Variants in SLC4A1 observed in about 807,000 individuals in gnomAD.
SLC4A1 encodes solute carrier family 4 member 1 (Diego blood group), also known as band 3 anion transport protein.
In SLC4A1, 29 loss-of-function variants were observed where a neutral mutation model predicts 93.1. That is an observed-to-expected ratio of 0.31 (90% confidence interval 0.23 to 0.42). SLC4A1 has a LOEUF of 0.42. Ranked by LOEUF, SLC4A1 falls within the 20% of genes least tolerant of loss-of-function variation. SLC4A1 has a pLI of 1.00. For synonymous variants in SLC4A1, 469 were observed against 497.2 expected, an observed-to-expected ratio of 0.94 and a Z score of 0.76; for missense variants, 965 against 1,190.1, an observed-to-expected ratio of 0.81 and a Z score of 2.78.
rs779821133 is a variant in SLC4A1, at chr17:44,260,558, T to A, written c.350-19A>T. On this transcript the variant is annotated intron_variant, in intron 5 of 19. Coordinates refer to ENST00000262418, the MANE Select transcript of SLC4A1 (RefSeq NM_000342.4). ...ACAGTACCTGCAGGCAGTGGAGGAG[T>A]GAGCTGGTAGGCTGGGCCACAGCAC... is the stretch of plus-strand genomic sequence containing the variant. 1 of 1,613,990 alleles carries A rather than the reference T, an allele frequency of 6.2e-7. No homozygotes were observed. The highest frequency in any genetic ancestry group is 1.3e-5 in the African/African-American group (1 of 74,986).
chr17:44,253,901 ACCTCGTGATCC>A (rs1222265717), intron 16 of SLC4A1, among the ~76,000 whole-genome samples: 1 of 146,418 alleles, frequency 6.8e-6, no homozygotes, highest in Non-Finnish European at 1.5e-5. Flanking sequence ...CAAACTACTG[ACCTCGTGATCC>A]CCCCGTCTTG....
At chr17:44,262,820 T>C in intron 2 of SLC4A1, 32 bp downstream of exon 2, 1 of 1,612,318 alleles carries the variant, frequency 6.2e-7, no homozygotes, top group Non-Finnish European at 8.5e-7. Flanking sequence ...AGCCTCCAGG[T>C]GGGAGCACTG....
chr17:44,256,154 ACCATCCAT>A (rs755992186), intron 13 of SLC4A1, among the ~76,000 whole-genome samples: 3 of 151,830 alleles, frequency 2.0e-5, no homozygotes, highest in Non-Finnish European at 4.4e-5. Context: ...CATCCATCCA[ACCATCCAT>A]CCATCCATCC....
intron 4 of SLC4A1, among the ~76,000 whole-genome samples, chr17:44,261,204 A>G (rs1405884756): frequency 1.3e-5 from 2 of 152,192 alleles, no homozygotes; most frequent in Non-Finnish European, 2.9e-5. Flanking sequence ...GCTGAGGGCC[A>G]CCCCAAATTT....
In SLC4A1 at chr17:44,257,775, C is replaced by T; in HGVS notation, c.1315G>A (p.Glu439Lys). The T allele has an allele frequency of 6.2e-7, 1 of 1,613,968 alleles. No individual in the cohort carries two copies. Among genetic ancestry groups the T allele is most frequent in the Non-Finnish European group, 8.5e-7 (1 of 1,180,022 alleles). The change falls in exon 12 of 20, where the codon GAG becomes AAG. Residue 439 changes from glutamate (E) to lysine (K), a missense_variant. Coordinates refer to ENST00000262418, the MANE Select transcript of SLC4A1 (RefSeq NM_000342.4). ...EKTRNQMGVS[E>K]LLISTAVQGI... is the part of the protein sequence containing the mutation. ...TGCACTGCAGTGGAGATCAGCAGCT[C>T]CGACACTCCCATCTGGTTCCGGGTC...
rs1405427745 is a variant in SLC4A1 at position 44,258,663 on chromosome 17, G to A, written c.877-40C>T. ...CAGGGTCAGAGCTGCCCGGACCTGC[G>A]GAGGGAAAGGACCCAGGAGTCCACA... On this transcript the variant is annotated intron_variant, in intron 9 of 19. Coordinates refer to ENST00000262418, the MANE Select transcript of SLC4A1 (RefSeq NM_000342.4). This position sits in a 1 kb window ranked among gnomAD's most constrained non-coding sequence, Gnocchi z 6.1. 10 of 1,545,528 alleles carry A rather than the reference G, an allele frequency of 6.5e-6. No homozygotes were observed. Among genetic ancestry groups the A allele is most frequent in the Middle Eastern group, 2.3e-4 (1 of 4,370 alleles).
Position 44,255,255 on chromosome 17 carries a change from G to A in SLC4A1, c.1842C>T (p.Ile614=), listed in dbSNP as rs879170703. 6.4e-7 allele frequency: 1 copy of A among 1,558,626 alleles called. No homozygotes were observed. The highest frequency in any genetic ancestry group is 2.4e-5 in the East Asian group (1 of 42,402). Residue 614 remains isoleucine, a synonymous_variant, in exon 15 of 20, where the codon ATC becomes ATT. Coordinates refer to ENST00000262418, the MANE Select transcript of SLC4A1 (RefSeq NM_000342.4). ...VIGDFGVPIS[I]LIMVLVDFFI... ...AGAAATCCACCAGGACCATGATCAG[G>A]ATGGAGATGGGGACCCCGAAGTCCC...
chr17:44,249,361 C>A lies in SLC4A1; in HGVS notation c.*1097G>T. On this transcript the variant is annotated 3_prime_UTR_variant, in exon 20 of 20. Coordinates refer to ENST00000262418, the MANE Select transcript of SLC4A1 (RefSeq NM_000342.4). The stretch of plus-strand genomic sequence containing the variant: ...GTTTAGATGGAGTTGAGGATAATGG[C>A]TCTCAAATGAGGGGCCTGAAGTTGT... 1 of 308,962 alleles carries A rather than the reference C, an allele frequency of 3.2e-6. No homozygotes were observed. Among genetic ancestry groups the A allele is most frequent in the South Asian group, 2.4e-5 (1 of 40,848 alleles). 19.1% of individuals were successfully genotyped at this position (308,962 alleles called of 1,614,324 possible).
At chr17:44,254,097 C>T (rs986173038) in intron 16 of SLC4A1, among the ~76,000 whole-genome samples, 2 of 151,700 alleles carry the variant, frequency 1.3e-5, no homozygotes, top group Admixed American at 1.3e-4. Context: ...GCCTCAGCCT[C>T]CCAAGTAGCT....
chr17:44,259,414 C>G (rs542995970), intron 8 of SLC4A1, 70 bp from the exon 9 acceptor site: 1 of 1,604,564 alleles, frequency 6.2e-7, no homozygotes, highest in Non-Finnish European at 8.5e-7. Flanking sequence ...GATGGGGCTG[C>G]GGGGGTCCAG....
At chr17:44,265,994 A>T (rs115363306) in intron 1 of SLC4A1, among the ~76,000 whole-genome samples, 2,793 of 151,648 alleles carry the variant, frequency 0.018, 79 homozygotes, top group African/African-American at 0.056. Context: ...AAAAAAAAAA[A>T]AGAAAGAAAG....
At chr17:44,255,610 C>T (rs936145935) in intron 14 of SLC4A1, 63 bp downstream of exon 14, 38 of 1,522,030 alleles carry the variant, frequency 2.5e-5, no homozygotes, top group Admixed American at 3.3e-5. Flanking sequence ...GAATTTGGAG[C>T]GGGGGGGCTT....
intron 9 of SLC4A1, 25 bp downstream of exon 9, chr17:44,259,138 C>T: frequency 6.2e-7 from 1 of 1,612,836 alleles, no homozygotes; most frequent in Non-Finnish European, 8.5e-7. Flanking sequence ...CTTCCCCAGC[C>T]CAGCCCTCTC....
rs2047315516 is a variant in SLC4A1, at chr17:44,248,851, T to TG, written c.*1606_*1607insC. 1 of 100,234 alleles carries TG rather than the reference T, an allele frequency of 1.0e-5. No individual in the cohort carries two copies. Among genetic ancestry groups the TG allele is most frequent in the Non-Finnish European group, 2.1e-5 (1 of 47,612 alleles). The allele number at this position is 100,234 out of a possible 1,614,324, so 6.2% of individuals were successfully genotyped here. On this transcript the variant is annotated 3_prime_UTR_variant, in exon 20 of 20. Transcript: ENST00000262418. The stretch of plus-strand genomic sequence containing the variant: ...CCCCAAGGCTGATGTTTCCTTCCGT[T>TG]TTTTTTTTTTTTTTTTTTTTTTTTT...
intron 9 of SLC4A1, among the ~76,000 whole-genome samples, 156 bp downstream of exon 9, chr17:44,259,007 C>T (rs996231505): frequency 1.6e-4 from 24 of 152,174 alleles, no homozygotes; most frequent in African/African-American, 1.7e-4. Context: ...CTGCACGCCC[C>T]GACTGCCCCC....
Position 44,258,638 on chromosome 17 carries a change from C to G in SLC4A1, c.877-15G>C, listed in dbSNP as rs779684089. ...ATGCGGAACACCTAGGGGCAGGAGA[C>G]AGGGTCAGAGCTGCCCGGACCTGCG... On this transcript the variant is annotated splice_polypyrimidine_tract_variant and intron_variant, in intron 9 of 19. Transcript: ENST00000262418. This position sits in a 1 kb window ranked among gnomAD's most constrained non-coding sequence, Gnocchi z 6.1. 27 of 1,572,228 alleles carry G rather than the reference C, an allele frequency of 1.7e-5. No individual in the cohort carries two copies. The highest frequency in any genetic ancestry group is 2.3e-5 in the Non-Finnish European group (27 of 1,160,082).
chr17:44,261,309 G>A (rs2047442279), intron 4 of SLC4A1, among the ~76,000 whole-genome samples: 1 of 152,180 alleles, frequency 6.6e-6, no homozygotes, highest in Non-Finnish European at 1.5e-5. Context: ...AGTGACGCCC[G>A]ACAGCCCAGC....
chr17:44,261,486 G>A lies in SLC4A1; in HGVS notation c.168+89C>T. ...GCAGGGTCTCCCCCAGCCTGAAGCTGCCTCTATCCCCTTGCTCCTCTCTTC... is the reference window on the plus strand; with the variant it reads ...GCAGGGTCTCCCCCAGCCTGAAGCTACCTCTATCCCCTTGCTCCTCTCTTC... On this transcript the variant is annotated intron_variant, in intron 4 of 19. Coordinates refer to ENST00000262418, the MANE Select transcript of SLC4A1 (RefSeq NM_000342.4). 5 of 1,607,362 alleles carry A rather than the reference G, an allele frequency of 3.1e-6. No homozygotes were observed. In the South Asian group the frequency reaches 5.5e-5, roughly 18 times the overall value.
At chr17:44,265,178 C>T (rs2144630447) in intron 1 of SLC4A1, among the ~76,000 whole-genome samples, 1 of 151,912 alleles carries the variant, frequency 6.6e-6, no homozygotes, top group East Asian at 1.9e-4. Flanking sequence ...TGGGGAAGCT[C>T]CTAGCCGCGA....
Sources: allele counts gnomAD v4.1 joint callset (sites outside exome capture counted in the v4.1 genomes callset), GRCh38; gene constraint gnomAD v4.1.1; non-coding constraint Gnocchi (gnomAD v3.1); transcripts MANE v1.5; gene names NCBI Gene and HGNC (gene_info 2026-07-23, HGNC 2026-07-21).